Variants in SIPA1L3 observed in about 807,000 individuals in gnomAD.
The protein encoded by SIPA1L3 is signal-induced proliferation-associated 1-like protein 3.
A neutral mutation model predicts 150.1 loss-of-function variants in SIPA1L3; 59 were observed. The ratio of observed to expected loss-of-function variants is 0.39; its 90% confidence interval spans 0.32 to 0.49. SIPA1L3 has a LOEUF of 0.49. Among genes scored for constraint, SIPA1L3 ranks in the 20% least tolerant of loss-of-function variants. SIPA1L3 has a pLI of 0.86. For missense variants in SIPA1L3, 2,211 were observed against 2,489.5 expected (o/e 0.89, Z 2.38); for synonymous variants, 1,070 against 1,077.6 (o/e 0.99, Z 0.14).
At chr19:37,928,638 A>T (rs1044135966) in intron 1 of SIPA1L3, among the ~76,000 whole-genome samples, 2 of 152,064 alleles carry the variant, frequency 1.3e-5, no homozygotes, top group East Asian at 1.9e-4. Flanking sequence ...TAAAACACAG[A>T]TTGCTGGGCC....
chr19:38,111,929 ACACATG>A (rs1279172921), intron 8 of SIPA1L3, among the ~76,000 whole-genome samples: 9 of 151,866 alleles, frequency 5.9e-5, no homozygotes, highest in African/African-American at 2.2e-4. Context: ...GCATCCGTGC[ACACATG>A]CACATGCACA....
intron 2 of SIPA1L3, among the ~76,000 whole-genome samples, chr19:38,048,447 G>A (rs182602309): frequency 6.4e-4 from 97 of 152,264 alleles, no homozygotes; most frequent in Admixed American, 2.0e-3. Context: ...ACACCCCACT[G>A]ATGGTTATAA....
intron 1 of SIPA1L3, among the ~76,000 whole-genome samples, chr19:37,926,342 C>T (rs1392041051): frequency 6.6e-6 from 1 of 152,200 alleles, no homozygotes; most frequent in Non-Finnish European, 1.5e-5. Context: ...GAGGCTGCCC[C>T]TTTTCCACGG....
chr19:38,075,573 G>C (rs1399421297), intron 2 of SIPA1L3, among the ~76,000 whole-genome samples: 1 of 151,878 alleles, frequency 6.6e-6, no homozygotes, highest in Non-Finnish European at 1.5e-5. Context: ...TCGAGGCCAG[G>C]AGTTTGAGCT....
At position 38,082,320 on chromosome 19, in the gene SIPA1L3, G is replaced by C; in HGVS notation, c.755G>C (p.Gly252Ala). The C allele has an allele frequency of 1.3e-6, 2 of 1,599,010 alleles. No individual in the cohort carries two copies. The highest frequency in any genetic ancestry group is 1.7e-6 in the Non-Finnish European group (2 of 1,179,062). ...GCAGATCCTGGCCCACACCTCATGG[G>C]GGGCGGCGGCGGAGCCAAGGGGGAC... ...LRADPGPHLM[G>A]GGGGAKGDSH... is the part of the protein sequence containing the mutation. Residue 252 changes from glycine to alanine, a missense_variant, in exon 3 of 22, where the codon GGG (glycine) becomes GCG (alanine). Gly to Ala is a moderately conservative substitution (Grantham distance 60, BLOSUM62 0). Transcript: ENST00000222345.
intron 1 of SIPA1L3, among the ~76,000 whole-genome samples, chr19:38,010,140 C>A (rs543523818): frequency 6.6e-6 from 1 of 152,184 alleles, no homozygotes; most frequent in Non-Finnish European, 1.5e-5. Flanking sequence ...AGAACACAGG[C>A]CTGTGATCTC....
At chr19:38,194,395 G>A (rs887797731) in intron 18 of SIPA1L3, among the ~76,000 whole-genome samples, 2 of 150,804 alleles carry the variant, frequency 1.3e-5, no homozygotes, top group African/African-American at 2.4e-5. Context: ...AAGACAGTAC[G>A]TAAGTTTGCA....
intron 19 of SIPA1L3, chr19:38,200,389 G>A (rs966227888): frequency 2.0e-5 from 3 of 152,184 alleles, no homozygotes; most frequent in Non-Finnish European, 4.4e-5. Context: ...GGGAGCCAGG[G>A]ACCACCAGGT....
chr19:38,180,765 G>A (rs1406002853), intron 15 of SIPA1L3, among the ~76,000 whole-genome samples: 1 of 149,990 alleles, frequency 6.7e-6, no homozygotes, highest in Non-Finnish European at 1.5e-5. Context: ...GGCTGGTCTC[G>A]AACTTCTGAG....
chr19:37,908,364 C>CT (rs1465092506), intron 1 of SIPA1L3, among the ~76,000 whole-genome samples: 3 of 152,186 alleles, frequency 2.0e-5, no homozygotes, highest in Non-Finnish European at 4.4e-5. Context: ...AGTAGCAGCT[C>CT]TTATGTATTA....
At chr19:38,142,815 G>A in intron 12 of SIPA1L3, 105 bp downstream of exon 12, 1 of 1,416,904 alleles carries the variant, frequency 7.1e-7, no homozygotes, top group Non-Finnish European at 9.6e-7. Context: ...CCATTTTATG[G>A]TGTTTCTGGA....
At chr19:38,083,617 C>T (rs1970058617) in intron 3 of SIPA1L3, among the ~76,000 whole-genome samples, 2 of 152,126 alleles carry the variant, frequency 1.3e-5, no homozygotes, top group Admixed American at 1.3e-4. Flanking sequence ...GCCTCCGAGG[C>T]AGGTGCAGTT....
intron 12 of SIPA1L3, among the ~76,000 whole-genome samples, chr19:38,145,534 CAAAAA>C (rs35073920): frequency 3.2e-5 from 3 of 94,292 alleles, no homozygotes; most frequent in Middle Eastern, 5.5e-3. Flanking sequence ...AACTCCGTCT[CAAAAA>C]AAAAAAAAAA....
intron 2 of SIPA1L3, among the ~76,000 whole-genome samples, chr19:38,066,031 T>TTTC (rs1969580610): frequency 2.0e-5 from 3 of 150,996 alleles, no homozygotes; most frequent in African/African-American, 7.3e-5. Flanking sequence ...TATTTATTTT[T>TTTC]GAGGCAACGT....
chr19:38,205,088 T>C (rs148286351), intron 21 of SIPA1L3, among the ~76,000 whole-genome samples: 158 of 152,302 alleles, frequency 1.0e-3, no homozygotes, highest in African/African-American at 3.6e-3. Flanking sequence ...CTTATTTATT[T>C]ATTGTTTAAC....
At chr19:38,063,995 G>A (rs578030622) in intron 2 of SIPA1L3, among the ~76,000 whole-genome samples, 5 of 152,286 alleles carry the variant, frequency 3.3e-5, no homozygotes, top group East Asian at 1.9e-4. Context: ...CCTCTCACCT[G>A]CGCTTTCAGG....
At chr19:38,036,394 C>T (rs936666927) in intron 2 of SIPA1L3, among the ~76,000 whole-genome samples, 51 of 152,222 alleles carry the variant, frequency 3.4e-4, no homozygotes, top group African/African-American at 1.2e-3. Context: ...TCCCCAGGGA[C>T]GGACACTTGG....
chr19:38,141,394 C>T lies in SIPA1L3; in HGVS notation c.3354C>T (p.Pro1118=). The T allele has an allele frequency of 1.2e-6, 2 of 1,613,230 alleles. No individual in the cohort carries two copies. Among genetic ancestry groups the T allele is most frequent in the Non-Finnish European group, 1.7e-6 (2 of 1,179,986 alleles). The change falls in exon 11 of 22, where the codon CCC becomes CCT. Residue 1118 remains proline, a synonymous_variant. Coordinates refer to ENST00000222345, the MANE Select transcript of SIPA1L3 (RefSeq NM_015073.3). ...QSLSRPLKQT[P]IVPFRESQPL... ...TGAGCCGGCCCCTGAAGCAGACCCCCATAGTCCCCTTCCGGGAGTCCCAGC... is the reference window on the plus strand; with the variant it reads ...TGAGCCGGCCCCTGAAGCAGACCCCTATAGTCCCCTTCCGGGAGTCCCAGC...
intron 1 of SIPA1L3, among the ~76,000 whole-genome samples, chr19:37,936,350 CAG>C (rs199746951): frequency 6.6e-6 from 1 of 152,166 alleles, no homozygotes; most frequent in East Asian, 1.9e-4. Flanking sequence ...GGTGGGTAAA[CAG>C]AGACAGCATA....
Sources: gnomAD v4.1 joint callset for allele counts (sites outside exome capture counted in the v4.1 genomes callset) on GRCh38, gnomAD v4.1.1 for gene constraint, MANE v1.5 for transcripts, NCBI Gene and HGNC (gene_info 2026-07-23, HGNC 2026-07-21) for gene names.